The following CNTNAP5 variants were observed in gnomAD, a reference collection of about 807,000 sequenced individuals.
CNTNAP5 encodes contactin associated protein family member 5.
Under a neutral mutation model 150.2 loss-of-function variants are expected in CNTNAP5, and 72 were observed. The observed-to-expected ratio is 0.48, with a 90% CI of 0.40 to 0.58. The LOEUF is 0.58. Ranked by LOEUF, CNTNAP5 falls within the 20% of genes least tolerant of loss-of-function variation. CNTNAP5 has a pLI of 0.00. For missense variants in CNTNAP5, 1,636 were observed against 1,626.2 expected, an observed-to-expected ratio of 1.01 and a Z score of -0.10; for synonymous variants, 672 against 619.8, an observed-to-expected ratio of 1.08 and a Z score of -1.25.
At chr2:124,101,602 G>A (rs911779582) in intron 1 of CNTNAP5, among the ~76,000 whole-genome samples, 1 of 152,166 alleles carries the variant, frequency 6.6e-6, no homozygotes, top group East Asian at 1.9e-4. Context: ...TGGCCCAGAG[G>A]TAGGCAGTAA....
chr2:124,057,282 A>ATTT lies in CNTNAP5; in HGVS notation c.82+31565_82+31567dup, dbSNP rs560714964. 1.4e-3 allele frequency among the ~76,000 whole-genome samples: 171 copies of ATTT among 125,692 alleles called. 1 individual carries two copies. The Middle Eastern group carries it at 0.016, about 11-fold the overall frequency. 82.5% of individuals were successfully genotyped at this position (125,692 alleles called of 152,430 possible). A position where few individuals can be genotyped will look rare whatever the true frequency, so the allele number is the denominator to read the frequency against. ...CTACATCGAATAAATTAACAAGTCC[A>ATTT]TTTTTTTTTTTTTTTTTGAGGTGGA... On this transcript the variant is annotated intron_variant, in intron 1 of 23. Transcript: ENST00000682447.
At chr2:124,451,077 T>TATATAC (rs755084840) in intron 6 of CNTNAP5, among the ~76,000 whole-genome samples, 1,942 of 61,196 alleles carry the variant, frequency 0.032, 43 homozygotes, top group Non-Finnish European at 0.038. Context: ...TATATATATA[T>TATATAC]ACACACACAC....
intron 1 of CNTNAP5, among the ~76,000 whole-genome samples, chr2:124,213,400 T>C (rs1407563348): frequency 6.6e-6 from 1 of 152,094 alleles, no homozygotes; most frequent in East Asian, 1.9e-4. Context: ...AATAAATAAG[T>C]GGAAAACTGA....
chr2:124,297,809 A>ATTTTTT (rs376323846), intron 3 of CNTNAP5, among the ~76,000 whole-genome samples: 1 of 95,212 alleles, frequency 1.1e-5, no homozygotes, highest in Non-Finnish European at 2.2e-5. Flanking sequence ...ACATCCAATT[A>ATTTTTT]TTTATTATTA....
chr2:124,137,737 G>A (rs1399469507), intron 1 of CNTNAP5, among the ~76,000 whole-genome samples: 2 of 152,154 alleles, frequency 1.3e-5, no homozygotes, highest in Non-Finnish European at 1.5e-5. Flanking sequence ...AGAAAATGGT[G>A]GACTTGTACT....
intron 13 of CNTNAP5, among the ~76,000 whole-genome samples, chr2:124,742,651 C>CACACAT (rs1018060308): frequency 4.1e-5 from 4 of 97,256 alleles, no homozygotes; most frequent in Non-Finnish European, 1.0e-4. Context: ...CACACACACA[C>CACACAT]ATATATATAT....
intron 3 of CNTNAP5, among the ~76,000 whole-genome samples, chr2:124,290,624 C>T (rs1688262231): frequency 6.6e-6 from 1 of 152,198 alleles, no homozygotes; most frequent in African/African-American, 2.4e-5. Context: ...GTTCTGCTGT[C>T]ATCCACAGGT....
At chr2:124,806,892 G>C (rs1195645406) in intron 19 of CNTNAP5, among the ~76,000 whole-genome samples, 2 of 149,406 alleles carry the variant, frequency 1.3e-5, no homozygotes, top group Admixed American at 1.4e-4. Flanking sequence ...GAACAGGCTA[G>C]TTACTGAACT....
intron 13 of CNTNAP5, among the ~76,000 whole-genome samples, chr2:124,666,573 C>T (rs1048401884): frequency 3.3e-5 from 5 of 152,120 alleles, no homozygotes; most frequent in Admixed American, 2.0e-4. Flanking sequence ...ACAGGGAATT[C>T]GCTTTTTCAG....
intron 8 of CNTNAP5, among the ~76,000 whole-genome samples, chr2:124,518,680 A>C (rs971175253): frequency 1.8e-4 from 28 of 152,094 alleles, no homozygotes; most frequent in African/African-American, 6.8e-4. Flanking sequence ...TCACATATCC[A>C]TCAACCATAA....
intron 1 of CNTNAP5, among the ~76,000 whole-genome samples, chr2:124,168,181 C>A (rs924720659): frequency 3.3e-5 from 5 of 152,102 alleles, no homozygotes; most frequent in African/African-American, 9.7e-5. Flanking sequence ...ATTATTAATT[C>A]TATCAGGGAA....
intron 1 of CNTNAP5, among the ~76,000 whole-genome samples, chr2:124,102,818 G>C (rs1217139480): frequency 6.6e-6 from 1 of 152,172 alleles, no homozygotes; most frequent in African/African-American, 2.4e-5. Context: ...GGATAAATGA[G>C]CTGAATCAGG....
chr2:124,505,925 A>G (rs1694396020), intron 8 of CNTNAP5, among the ~76,000 whole-genome samples: 1 of 152,230 alleles, frequency 6.6e-6, no homozygotes, highest in African/African-American at 2.4e-5. Context: ...TCCATCATGG[A>G]TTATACTACA....
chr2:124,670,440 C>T (rs1005028205), intron 13 of CNTNAP5, among the ~76,000 whole-genome samples: 6 of 152,020 alleles, frequency 3.9e-5, no homozygotes, highest in African/African-American at 1.5e-4. Context: ...TGTTGTTGCA[C>T]TGTAAAAGTT....
chr2:124,641,305 T>C (rs1305971781), intron 12 of CNTNAP5, among the ~76,000 whole-genome samples: 1 of 151,966 alleles, frequency 6.6e-6, no homozygotes, highest in African/African-American at 2.4e-5. Flanking sequence ...GTCTCTTGCA[T>C]GTCCAGGAAT....
At chr2:124,327,281 A>T (rs1446840101) in intron 3 of CNTNAP5, among the ~76,000 whole-genome samples, 1 of 152,032 alleles carries the variant, frequency 6.6e-6, no homozygotes, top group Non-Finnish European at 1.5e-5. Context: ...CGCCCGGCAG[A>T]TCCTGTTTTA....
At chr2:124,550,503 A>G (rs1205879679) in intron 10 of CNTNAP5, among the ~76,000 whole-genome samples, 1 of 152,194 alleles carries the variant, frequency 6.6e-6, no homozygotes, top group Non-Finnish European at 1.5e-5. Context: ...AGTAATCCAG[A>G]GAGCTCTACT....
intron 21 of CNTNAP5, among the ~76,000 whole-genome samples, chr2:124,872,697 C>T (rs1677777253): frequency 1.3e-5 from 2 of 151,654 alleles, no homozygotes; most frequent in Non-Finnish European, 2.9e-5. Flanking sequence ...TTAAAACACC[C>T]TTAGAAAGAG....
intron 3 of CNTNAP5, among the ~76,000 whole-genome samples, chr2:124,319,088 C>T (rs761023996): frequency 6.6e-6 from 1 of 152,242 alleles, no homozygotes; most frequent in Non-Finnish European, 1.5e-5. Flanking sequence ...GATGGTGCTA[C>T]ACTCCGTTTT....
Sources: allele counts gnomAD v4.1 joint callset (sites outside exome capture counted in the v4.1 genomes callset), GRCh38; gene constraint gnomAD v4.1.1; transcripts MANE v1.5; gene names NCBI Gene and HGNC (gene_info 2026-07-23, HGNC 2026-07-21).